The following KLRG1 variants were observed in gnomAD, a reference collection of about 807,000 sequenced individuals.
The protein encoded by KLRG1 is killer cell lectin like receptor G1.
Under a neutral mutation model 21.8 loss-of-function variants are expected in KLRG1, and 16 were observed. That is an observed-to-expected ratio of 0.73 (90% CI 0.50 to 1.11). The LOEUF (loss-of-function observed/expected upper bound fraction) is 1.11, where lower values mean the gene tolerates loss of function less well. KLRG1 is among the 50% of genes most tolerant of loss of function. The pLI is 0.00. For missense variants in KLRG1, 173 were observed against 218.3 expected, an observed-to-expected ratio of 0.79 and a Z score of 1.31; for synonymous variants, 69 against 75.9, an observed-to-expected ratio of 0.91 and a Z score of 0.47.
At chr12:9,094,372 T>TAC in the KLRG1 span, among the ~76,000 whole-genome samples, 1 of 142,988 alleles carries the variant, frequency 7.0e-6, no homozygotes, top group African/African-American at 2.6e-5. Flanking sequence ...TATATATATA[T>TAC]ATACCTATAC....
the KLRG1 span, among the ~76,000 whole-genome samples, chr12:9,091,868 A>G: frequency 6.6e-6 from 1 of 152,186 alleles, no homozygotes; most frequent in Admixed American, 6.5e-5. Flanking sequence ...CCTTATGCCC[A>G]TTTTCTGGAA....
intron 1 of KLRG1, among the ~76,000 whole-genome samples, chr12:8,974,948 T>G (rs368545625): frequency 1.6e-3 from 236 of 151,970 alleles, no homozygotes; most frequent in African/African-American, 5.2e-3. Flanking sequence ...CAGGCTGGGG[T>G]GCAGTGGTGT....
intron 1 of KLRG1, among the ~76,000 whole-genome samples, chr12:8,982,323 T>C (rs1298888426): frequency 2.6e-5 from 4 of 152,226 alleles, no homozygotes; most frequent in Non-Finnish European, 5.9e-5. Flanking sequence ...CCAAGAAATT[T>C]GAAATTTGGC....
chr12:9,194,513 G>A, the KLRG1 span, among the ~76,000 whole-genome samples: 1 of 148,368 alleles, frequency 6.7e-6, no homozygotes, highest in East Asian at 2.0e-4. Flanking sequence ...CGCCCAGGCT[G>A]GAGTGCAGTG....
the KLRG1 span, among the ~76,000 whole-genome samples, chr12:9,118,190 G>A: frequency 3.3e-5 from 5 of 152,198 alleles, no homozygotes; most frequent in Admixed American, 1.3e-4. Context: ...GTTGTTTCCT[G>A]TTACCACTTC....
At chr12:9,108,687 T>A in the KLRG1 span, among the ~76,000 whole-genome samples, 1 of 152,204 alleles carries the variant, frequency 6.6e-6, no homozygotes, top group Non-Finnish European at 1.5e-5. Context: ...TGCTACTGTG[T>A]GCCACCATGG....
chr12:9,156,924 A>T, the KLRG1 span, among the ~76,000 whole-genome samples: 81 of 151,830 alleles, frequency 5.3e-4, no homozygotes, highest in Middle Eastern at 0.014. Context: ...TTATTTATTT[A>T]TTTTTTAAAT....
chr12:9,024,750 A>G, the KLRG1 span, among the ~76,000 whole-genome samples: 1 of 152,162 alleles, frequency 6.6e-6, no homozygotes, highest in Non-Finnish European at 1.5e-5. Context: ...CCCTGGTTCC[A>G]TTTTTGAAGG....
chr12:9,202,714 G>A, the KLRG1 span: 1 of 1,602,620 alleles, frequency 6.2e-7, no homozygotes, highest in Non-Finnish European at 8.5e-7. Context: ...TTACTACTGA[G>A]GAACTGTGCA....
chr12:9,146,620 A>G, the KLRG1 span, among the ~76,000 whole-genome samples: 1 of 150,732 alleles, frequency 6.6e-6, no homozygotes, highest in African/African-American at 2.4e-5. Flanking sequence ...CACCTCTCCC[A>G]TTCTTCACAG....
the KLRG1 span, among the ~76,000 whole-genome samples, chr12:9,070,316 G>T: frequency 6.6e-6 from 1 of 152,200 alleles, no homozygotes; most frequent in Non-Finnish European, 1.5e-5. Flanking sequence ...ACAGTGCTCT[G>T]CACATGGTCA....
the KLRG1 span, chr12:9,152,995 A>T: frequency 6.2e-7 from 1 of 1,612,828 alleles, no homozygotes; most frequent in East Asian, 2.2e-5. Context: ...CTTTTTCTGG[A>T]CCCCTCACTT....
chr12:8,966,531 A>G (rs1425764067), intron 1 of KLRG1, among the ~76,000 whole-genome samples: 1 of 152,222 alleles, frequency 6.6e-6, no homozygotes, highest in Non-Finnish European at 1.5e-5. Context: ...AAAGGATATG[A>G]ACAGACACTT....
the KLRG1 span, chr12:9,157,211 T>C: frequency 1.2e-6 from 2 of 1,614,004 alleles, no homozygotes; most frequent in African/African-American, 1.3e-5. Flanking sequence ...GAGTTCAGTA[T>C]TTCTCTATTC....
intron 3 of KLRG1, chr12:8,996,413 T>G (rs1260293269): frequency 6.6e-6 from 1 of 152,220 alleles, no homozygotes; most frequent in Non-Finnish European, 1.5e-5. Context: ...TTTTTGTGTT[T>G]TGCTATTGTT....
chr12:9,122,471 C>A, the KLRG1 span, among the ~76,000 whole-genome samples: 4 of 152,122 alleles, frequency 2.6e-5, no homozygotes, highest in African/African-American at 9.7e-5. Context: ...TGTTTGCCAA[C>A]TTTACTTAAT....
At chr12:9,203,853 G>A in the KLRG1 span, 2 of 1,614,122 alleles carry the variant, frequency 1.2e-6, no homozygotes, top group Non-Finnish European at 1.7e-6. Context: ...CTCCAAGGAA[G>A]CACTTACAGT....
At chr12:9,157,371 G>T in the KLRG1 span, 1 of 1,604,052 alleles carries the variant, frequency 6.2e-7, no homozygotes, top group Non-Finnish European at 8.5e-7. Context: ...AAGGCAAAAT[G>T]TGGTTGTGTC....
At chr12:9,098,350 C>T in the KLRG1 span, 2 of 195,486 alleles carry the variant, frequency 1.0e-5, no homozygotes, top group Non-Finnish European at 2.0e-5. Flanking sequence ...ATTTTCATCA[C>T]ATTTTGTCCT....
Sources: gnomAD v4.1 joint callset for allele counts (sites outside exome capture counted in the v4.1 genomes callset) on GRCh38, gnomAD v4.1.1 for gene constraint, MANE v1.5 for transcripts, NCBI Gene and HGNC (gene_info 2026-07-23, HGNC 2026-07-21) for gene names.